The following HYKK variants were observed in gnomAD, a reference collection of about 807,000 sequenced individuals.
The protein encoded by HYKK is hydroxylysine kinase.
In HYKK, 19 loss-of-function variants were observed where a neutral mutation model predicts 29.7. The ratio of observed to expected loss-of-function variants is 0.64; its 90% CI spans 0.45 to 0.94. The LOEUF is 0.94. Ranked by LOEUF, HYKK falls within the 40% of genes least tolerant of loss-of-function variation. The probability of loss-of-function intolerance (pLI) is 0.00; values close to 1 mark genes in which losing one functional copy is unlikely to be tolerated. For missense variants in HYKK, 390 were observed against 443.4 expected (o/e 0.88, Z 1.08); for synonymous variants, 152 against 158.1 (o/e 0.96, Z 0.29).
intron 1 of HYKK, among the ~76,000 whole-genome samples, chr15:78,511,522 A>G (rs2052072704): frequency 6.6e-6 from 1 of 151,602 alleles, no homozygotes; most frequent in African/African-American, 2.4e-5. Context: ...AAGCCCAGAA[A>G]TTCAAGACCA....
At chr15:78,515,670 G>T (rs1186559453) in intron 3 of HYKK, among the ~76,000 whole-genome samples, 1 of 150,894 alleles carries the variant, frequency 6.6e-6, no homozygotes, top group Non-Finnish European at 1.5e-5. Flanking sequence ...CTCACTGCAA[G>T]CTCTGCCTCC....
chr15:78,530,443 A>C (rs951672744), intron 4 of HYKK, among the ~76,000 whole-genome samples: 10 of 151,994 alleles, frequency 6.6e-5, no homozygotes, highest in African/African-American at 2.4e-4. Flanking sequence ...TTTTTTGGTT[A>C]TATCTTATTG....
intron 3 of HYKK, among the ~76,000 whole-genome samples, chr15:78,521,183 G>T (rs2052192689): frequency 6.6e-6 from 1 of 152,172 alleles, no homozygotes; most frequent in African/African-American, 2.4e-5. Flanking sequence ...ATCCAAAGTA[G>T]GCAGGAGTTC....
intron 3 of HYKK, among the ~76,000 whole-genome samples, chr15:78,524,092 G>A (rs1232087928): frequency 6.6e-6 from 1 of 152,248 alleles, no homozygotes; most frequent in African/African-American, 2.4e-5. Context: ...GTACCCCAGT[G>A]GGGACTCTGT....
At chr15:78,528,813 A>G in intron 4 of HYKK, 4 of 971,470 alleles carry the variant, frequency 4.1e-6, no homozygotes, top group Non-Finnish European at 4.9e-6. Context: ...AAAAAAAAAA[A>G]GGGCAAGGAA....
intron 3 of HYKK, among the ~76,000 whole-genome samples, chr15:78,522,754 C>A (rs1186922669): frequency 6.6e-6 from 1 of 151,966 alleles, no homozygotes; most frequent in African/African-American, 2.4e-5. Flanking sequence ...TGACACATGC[C>A]TGTAATTTCA....
In HYKK at chr15:78,515,047, C is replaced by T; in HGVS notation, c.417C>T (p.Val139=). ...GAAGACCCATCGCTGAGCTTCCCGT[C>T]AGCCCCCAGCTATTGTATGAAATTG... is the stretch of plus-strand genomic sequence containing the variant. ...LPGRPIAELP[V]SPQLLYEIGK... Residue 139 remains valine, a synonymous_variant, in exon 3 of 5, where the codon GTC becomes GTT. Transcript: ENST00000388988. 1 of 1,604,930 alleles carries T rather than the reference C, an allele frequency of 6.2e-7. No individual in the cohort carries two copies. The highest frequency in any genetic ancestry group is 8.5e-7 in the Non-Finnish European group (1 of 1,174,894).
chr15:78,513,468 C>T, intron 2 of HYKK, 43 bp downstream of exon 2: 1 of 1,381,508 alleles, frequency 7.2e-7, no homozygotes, highest in Non-Finnish European at 1.0e-6. Context: ...TATCCAGACA[C>T]ATCACTGCAT....
chr15:78,525,629 T>G (rs950794783), intron 3 of HYKK, among the ~76,000 whole-genome samples: 13 of 151,482 alleles, frequency 8.6e-5, no homozygotes, highest in African/African-American at 3.1e-4. Context: ...TCCCAAGTAG[T>G]TGGGACTACA....
intron 3 of HYKK, among the ~76,000 whole-genome samples, chr15:78,517,109 C>CTTTTTTTTTTTTTT (rs34680285): frequency 1.8e-5 from 2 of 108,404 alleles, no homozygotes; most frequent in Non-Finnish European, 3.7e-5. Flanking sequence ...TTCTTTCTTT[C>CTTTTTTTTTTTTTT]TTTTTTTTTT....
intron 3 of HYKK, among the ~76,000 whole-genome samples, chr15:78,517,020 A>G (rs534085470): frequency 6.6e-6 from 1 of 151,862 alleles, no homozygotes; most frequent in African/African-American, 2.4e-5. Context: ...CCTTGTCTCA[A>G]AAAAAAAGAA....
chr15:78,508,679 A>C (rs550404125), intron 1 of HYKK, among the ~76,000 whole-genome samples: 1 of 152,010 alleles, frequency 6.6e-6, no homozygotes, highest in Non-Finnish European at 1.5e-5. Context: ...AGTAGGAAAA[A>C]AAGTTAATAA....
intron 1 of HYKK, among the ~76,000 whole-genome samples, chr15:78,508,985 C>T (rs535231681): frequency 6.6e-6 from 1 of 150,736 alleles, no homozygotes; most frequent in African/African-American, 2.4e-5. Flanking sequence ...GAGTTGGAAG[C>T]TGCAGTAAGC....
intron 3 of HYKK, among the ~76,000 whole-genome samples, chr15:78,520,422 T>C (rs2052180632): frequency 1.3e-5 from 2 of 151,944 alleles, no homozygotes; most frequent in Non-Finnish European, 2.9e-5. Context: ...TACTTAAGAT[T>C]AGGGAGTGGT....
At chr15:78,520,493 G>T (rs1204649724) in intron 3 of HYKK, among the ~76,000 whole-genome samples, 1 of 152,060 alleles carries the variant, frequency 6.6e-6, no homozygotes, top group Non-Finnish European at 1.5e-5. Flanking sequence ...ATCTTGCACC[G>T]CCCTTAATCC....
At chr15:78,508,920 TG>T (rs1214126466) in intron 1 of HYKK, among the ~76,000 whole-genome samples, 1 of 134,780 alleles carries the variant, frequency 7.4e-6, no homozygotes, top group Non-Finnish European at 1.6e-5. Flanking sequence ...TGGTGGCACC[TG>T]CCTGCAGTCC....
intron 3 of HYKK, among the ~76,000 whole-genome samples, chr15:78,519,647 C>G (rs554389208): frequency 2.6e-5 from 4 of 152,250 alleles, no homozygotes; most frequent in Admixed American, 2.0e-4. Flanking sequence ...GTAGTCCCAG[C>G]TACTTGGGAG....
At position 78,532,732 on chromosome 15, in the gene HYKK, T is replaced by C. The variant is rs1269555347; in HGVS notation, c.662-478T>C. Among the ~76,000 whole-genome samples the C allele has an allele frequency of 2.0e-5, 3 of 152,032 alleles. No homozygotes were observed. The East Asian group carries it at 5.8e-4, about 29-fold the overall frequency. On this transcript the variant is annotated intron_variant, in intron 4 of 4. Transcript: ENST00000388988. ...GAATTGCTTGAACCCAGGAGACAGG[T>C]TGCAGTGAGCCAAGACTGTGCCACA...
At chr15:78,523,812 C>A (rs1376749005) in intron 3 of HYKK, among the ~76,000 whole-genome samples, 1 of 152,252 alleles carries the variant, frequency 6.6e-6, no homozygotes, top group East Asian at 1.9e-4. Context: ...AGTCCAAAAC[C>A]CAGCAGGGCA....
Sources: gnomAD v4.1 joint callset for allele counts (sites outside exome capture counted in the v4.1 genomes callset) on GRCh38, gnomAD v4.1.1 for gene constraint, MANE v1.5 for transcripts, NCBI Gene and HGNC (gene_info 2026-07-23, HGNC 2026-07-21) for gene names.